PXYLP1: variants seen among roughly 807,000 people sequenced by gnomAD.
PXYLP1 encodes the protein acid phosphatase-like 2.
Under a neutral mutation model 37.9 loss-of-function variants are expected in PXYLP1, and 17 were observed. The ratio of observed to expected loss-of-function variants is 0.45; its 90% confidence interval spans 0.31 to 0.67. The LOEUF (loss-of-function observed/expected upper bound fraction) is 0.67. PXYLP1 is among the 30% of genes least tolerant of loss of function. The pLI is 0.07. For missense variants in PXYLP1, 511 were observed against 612.0 expected, an observed-to-expected ratio of 0.84 and a Z score of 1.74; for synonymous variants, 221 against 232.2, an observed-to-expected ratio of 0.95 and a Z score of 0.44.
intron 1 of PXYLP1, among the ~76,000 whole-genome samples, chr3:141,259,866 C>G (rs1941348855): frequency 6.6e-6 from 1 of 152,116 alleles, no homozygotes; most frequent in Non-Finnish European, 1.5e-5. Flanking sequence ...ATATCTCATT[C>G]CTTGTTGATG....
chr3:141,278,240 T>G, intron 2 of PXYLP1, 102 bp from the exon 3 acceptor site: 1 of 1,344,486 alleles, frequency 7.4e-7, no homozygotes, highest in South Asian at 1.3e-5. Context: ...ATTCTCAGTG[T>G]AAGAATAGCT....
In PXYLP1 at chr3:141,266,797, G is replaced by T. The variant is rs548260126; in HGVS notation, c.79+6543G>T. On this transcript the variant is annotated intron_variant, in intron 2 of 5. Coordinates refer to ENST00000286353, the MANE Select transcript of PXYLP1 (RefSeq NM_001037172.3). ...TACCTGCAGAGCTATCGTGTTTCCT[G>T]TGGCCCTGATCCCCTATATCCCCTC... 1.1e-4 allele frequency among the ~76,000 whole-genome samples: 17 copies of T among 152,244 alleles called. No homozygotes were observed. In the East Asian group the frequency reaches 3.1e-3, roughly 28 times the overall value.
rs560475595 is a variant in PXYLP1 at position 141,252,111 on chromosome 3, G to T, written c.-53-8012G>T. On this transcript the variant is annotated intron_variant, in intron 1 of 5. Transcript: ENST00000286353. Reference sequence around the variant, plus strand: ...TCTAGACCTAGCCAGCTGACCCCAGGCCCATGCATTTAACAGCCTATTGTG... The same window carrying T: ...TCTAGACCTAGCCAGCTGACCCCAGTCCCATGCATTTAACAGCCTATTGTG... Among the ~76,000 whole-genome samples the T allele has an allele frequency of 1.4e-4, 21 of 152,224 alleles. No homozygotes were observed. In the South Asian group the frequency reaches 4.4e-3, roughly 32 times the overall value.
At chr3:141,269,246 G>A (rs1941605381) in intron 2 of PXYLP1, among the ~76,000 whole-genome samples, 1 of 152,224 alleles carries the variant, frequency 6.6e-6, no homozygotes, top group Admixed American at 6.5e-5. Flanking sequence ...TGCTCCTCTT[G>A]GGGAGAGAGA....
chr3:141,247,566 T>A (rs1940990203), intron 1 of PXYLP1, among the ~76,000 whole-genome samples: 1 of 152,212 alleles, frequency 6.6e-6, no homozygotes, highest in Admixed American at 6.5e-5. Context: ...TGGTTCATTA[T>A]CACAGAGTTG....
At chr3:141,238,195 G>A (rs1940705029) in intron 1 of PXYLP1, among the ~76,000 whole-genome samples, 1 of 152,194 alleles carries the variant, frequency 6.6e-6, no homozygotes, top group Non-Finnish European at 1.5e-5. Flanking sequence ...CATTTCCTGT[G>A]TCTGCCGTAG....
At chr3:141,249,619 T>G (rs1010666299) in intron 1 of PXYLP1, among the ~76,000 whole-genome samples, 21 of 152,188 alleles carry the variant, frequency 1.4e-4, no homozygotes, top group Admixed American at 1.3e-4. Flanking sequence ...ATTGACACAC[T>G]TTGCTTGCAA....
intron 4 of PXYLP1, among the ~76,000 whole-genome samples, chr3:141,285,785 C>T (rs1490160995): frequency 3.3e-5 from 5 of 152,166 alleles, no homozygotes; most frequent in Non-Finnish European, 5.9e-5. Flanking sequence ...TCAGTCTGGA[C>T]ATTTTATTTC....
At chr3:141,261,272 G>A (rs1445381828) in intron 2 of PXYLP1, among the ~76,000 whole-genome samples, 2 of 152,134 alleles carry the variant, frequency 1.3e-5, no homozygotes, top group Non-Finnish European at 2.9e-5. Context: ...TCCCACCTCA[G>A]CTTCCTGGAT....
At chr3:141,254,623 T>A (rs1941219829) in intron 1 of PXYLP1, among the ~76,000 whole-genome samples, 1 of 152,196 alleles carries the variant, frequency 6.6e-6, no homozygotes, top group Non-Finnish European at 1.5e-5. Context: ...AACTCCACTT[T>A]GACGTGACTT....
At chr3:141,259,326 C>T (rs1422471607) in intron 1 of PXYLP1, among the ~76,000 whole-genome samples, 1 of 151,566 alleles carries the variant, frequency 6.6e-6, no homozygotes, top group Admixed American at 6.6e-5. Context: ...TTTAAAATCC[C>T]AAAGAGAACC....
chr3:141,294,452 T>G lies in PXYLP1; in HGVS notation c.*1247T>G, dbSNP rs1029792071. On this transcript the variant is annotated 3_prime_UTR_variant, in exon 6 of 6. Transcript: ENST00000286353. ...TAGTTTACAGATCTTTATAAGGTGT[T>G]TTATATATTAGAAGCAATTATAATT... The G allele has an allele frequency of 6.6e-6, 1 of 152,234 alleles. No homozygotes were observed. Among genetic ancestry groups the G allele is most frequent in the Admixed American group, 6.5e-5 (1 of 15,284 alleles). 9.4% of individuals were successfully genotyped at this position (152,234 alleles called of 1,614,324 possible). A position where few individuals can be genotyped will look rare whatever the true frequency, so the allele number is the denominator to read the frequency against.
chr3:141,248,525 ACG>A (rs1941022235), intron 1 of PXYLP1, among the ~76,000 whole-genome samples: 1 of 148,120 alleles, frequency 6.8e-6, no homozygotes, highest in Non-Finnish European at 1.5e-5. Flanking sequence ...ACACACACAC[ACG>A]TATATATATA....
At position 141,278,460 on chromosome 3, in the gene PXYLP1, G is replaced by T. The variant is rs755813292; in HGVS notation, c.198G>T (p.Leu66Phe). 4 of 1,614,086 alleles carry T rather than the reference G, an allele frequency of 2.5e-6. No individual in the cohort carries two copies. The highest frequency in any genetic ancestry group is 2.7e-5 in the African/African-American group (2 of 74,936). The change falls in exon 3 of 6, where the codon TTG (leucine) becomes TTT (phenylalanine). Residue 66 changes from leucine (L) to phenylalanine (F), a missense_variant. Leu to Phe is a conservative substitution (Grantham distance 22). Transcript: ENST00000286353. ...PVTDPVYEALLYCNIPSVAER... is the reference protein window; with the variant it reads ...PVTDPVYEALFYCNIPSVAER... Reference sequence around the variant, plus strand: ...CAGACCCCGTTTATGAAGCTCTTTTGTACTGCAACATCCCCAGCGTGGCCG... The same window carrying T: ...CAGACCCCGTTTATGAAGCTCTTTTTTACTGCAACATCCCCAGCGTGGCCG...
intron 2 of PXYLP1, 94 bp from the exon 3 acceptor site, chr3:141,278,248 G>C (rs1941845617): frequency 1.6e-5 from 23 of 1,402,382 alleles, no homozygotes; most frequent in Non-Finnish European, 2.2e-5. Flanking sequence ...TGTAAGAATA[G>C]CTCCTCAAAG....
intron 1 of PXYLP1, chr3:141,258,759 G>C: frequency 6.4e-6 from 1 of 155,810 alleles, no homozygotes; most frequent in South Asian, 2.0e-4. Flanking sequence ...CAAAAATCTG[G>C]TCAATGTGGA....
Position 141,279,370 on chromosome 3 carries a change from T to TCA in PXYLP1, c.239-7_239-6insAC. ...GTGATAACCAGACAATGTGCTTCTC[T>TCA]CGCGCAGGTCATGCCCCGCATCATT... On this transcript the variant is annotated splice_polypyrimidine_tract_variant and splice_region_variant and intron_variant, in intron 3 of 5. Transcript: ENST00000286353. 1 of 1,614,096 alleles carries TCA rather than the reference T, an allele frequency of 6.2e-7. No individual in the cohort carries two copies. The highest frequency in any genetic ancestry group is 8.5e-7 in the Non-Finnish European group (1 of 1,179,958).
chr3:141,293,197 G>A lies in PXYLP1; in HGVS notation c.1435G>A (p.Gly479Arg). ...TNYYDACHRE[G>R]F is the part of the protein sequence containing the mutation. ...TTATTATGATGCATGTCACAGGGAAGGATTCTAAAAGGTATGCAGTACAGC... is the reference window on the plus strand; with the variant it reads ...TTATTATGATGCATGTCACAGGGAAAGATTCTAAAAGGTATGCAGTACAGC... Residue 479 changes from glycine to arginine, a missense_variant, in exon 6 of 6, where the codon GGA becomes AGA. Physicochemically the swap from Gly to Arg is moderately radical, Grantham distance 125. Transcript: ENST00000286353. 1.2e-6 allele frequency: 2 copies of A among 1,612,806 alleles called. No individual in the cohort carries two copies. The highest frequency in any genetic ancestry group is 2.2e-5 in the South Asian group (2 of 90,884).
At chr3:141,247,367 T>A (rs1369802338) in intron 1 of PXYLP1, among the ~76,000 whole-genome samples, 1 of 152,252 alleles carries the variant, frequency 6.6e-6, no homozygotes, top group Non-Finnish European at 1.5e-5. Context: ...AAGACAGTCC[T>A]TCTTGGAAAA....
Sources: gnomAD v4.1 joint callset for allele counts (sites outside exome capture counted in the v4.1 genomes callset) on GRCh38, gnomAD v4.1.1 for gene constraint, MANE v1.5 for transcripts, NCBI Gene and HGNC (gene_info 2026-07-23, HGNC 2026-07-21) for gene names.